Variants in CEP83 observed in about 807,000 individuals in gnomAD.
The protein encoded by CEP83 is centrosomal protein 83.
In CEP83, 70 loss-of-function variants were observed where a neutral mutation model predicts 101.9. That is an observed-to-expected ratio of 0.69 (90% CI 0.57 to 0.84). CEP83 has a LOEUF of 0.84. CEP83 is among the 40% of genes least tolerant of loss of function. CEP83 has a pLI of 0.00. For synonymous variants in CEP83, 264 were observed against 267.9 expected (o/e 0.99, Z 0.14); for missense variants, 715 against 787.2 (o/e 0.91, Z 1.10).
chr12:94,302,908 A>G (rs1310759201), downstream of CEP83, among the ~76,000 whole-genome samples: 2 of 152,192 alleles, frequency 1.3e-5, no homozygotes, highest in Non-Finnish European at 2.9e-5. Context: ...GAATGATAGC[A>G]TGATTTCTGG....
chr12:94,446,391 G>A (rs957917829), intron 1 of CEP83, among the ~76,000 whole-genome samples: 1 of 152,158 alleles, frequency 6.6e-6, no homozygotes, highest in Admixed American at 6.6e-5. Flanking sequence ...TTCACTTAAA[G>A]TCAGTTTCCA....
chr12:94,299,167 T>G, the CEP83 span, among the ~76,000 whole-genome samples: 1 of 152,246 alleles, frequency 6.6e-6, no homozygotes, highest in Non-Finnish European at 1.5e-5. Context: ...TCGGTTACTT[T>G]GCAGTCTCCA....
At chr12:94,295,810 A>G in the CEP83 span, among the ~76,000 whole-genome samples, 6 of 152,166 alleles carry the variant, frequency 3.9e-5, no homozygotes, top group African/African-American at 4.8e-5. Flanking sequence ...CCTCTGGGCA[A>G]TTCAACTCTG....
chr12:94,374,162 T>C (rs975608771), intron 8 of CEP83, among the ~76,000 whole-genome samples: 7 of 151,722 alleles, frequency 4.6e-5, no homozygotes, highest in East Asian at 1.9e-4. Flanking sequence ...GAAAGAGCAA[T>C]AGGGAAGAGT....
At chr12:94,349,436 C>T (rs904160835) in intron 11 of CEP83, among the ~76,000 whole-genome samples, 1 of 152,118 alleles carries the variant, frequency 6.6e-6, no homozygotes, top group African/African-American at 2.4e-5. Flanking sequence ...CCTAGTTACA[C>T]TGATTTAAAA....
In CEP83 at chr12:94,440,268, A is replaced by G. The variant is rs2138359020; in HGVS notation, c.-154-4941T>C. On this transcript the variant is annotated intron_variant, in intron 1 of 16. Coordinates refer to ENST00000397809, the MANE Select transcript of CEP83 (RefSeq NM_016122.3). ...AGTGTTGCAGTTTGCTGATGATATG[A>G]TCATATACCTAGAAAACCCTAAAAA... is the stretch of plus-strand genomic sequence containing the variant. Among the ~76,000 whole-genome samples, 7 of 152,284 alleles carry G rather than the reference A, an allele frequency of 4.6e-5. No individual in the cohort carries two copies. The South Asian group carries it at 1.5e-3, about 32-fold the overall frequency.
At chr12:94,340,428 G>T (rs1045224865) in intron 11 of CEP83, among the ~76,000 whole-genome samples, 71 of 150,202 alleles carry the variant, frequency 4.7e-4, no homozygotes, top group African/African-American at 1.6e-3. Flanking sequence ...ACCCAAACTT[G>T]TCTCTAGATT....
chr12:94,454,173 T>C (rs1414967923), intron 1 of CEP83, among the ~76,000 whole-genome samples: 2 of 151,918 alleles, frequency 1.3e-5, no homozygotes, highest in African/African-American at 4.8e-5. Context: ...CTAGAAGTAA[T>C]ACAAAAATGT....
In CEP83 at chr12:94,432,576, A is replaced by T. The variant is rs532031852; in HGVS notation, c.-102+2699T>A. ...TGGAGGTAGAGAATAAAATGATATC[A>T]AAGGCCAGGAAGTATGTGTGTGGGG... On this transcript the variant is annotated intron_variant, in intron 2 of 16. Coordinates refer to ENST00000397809, the MANE Select transcript of CEP83 (RefSeq NM_016122.3). 3.9e-5 allele frequency among the ~76,000 whole-genome samples: 6 copies of T among 152,318 alleles called. No individual in the cohort carries two copies. In the South Asian group the frequency reaches 1.2e-3, roughly 32 times the overall value.
At chr12:94,417,411 AGT>A (rs2064362280) in intron 2 of CEP83, among the ~76,000 whole-genome samples, 1 of 152,176 alleles carries the variant, frequency 6.6e-6, no homozygotes. Flanking sequence ...CTACCAGAAA[AGT>A]GTCAGAAAAA....
intron 6 of CEP83, among the ~76,000 whole-genome samples, chr12:94,385,339 G>A (rs959011608): frequency 6.6e-6 from 1 of 152,134 alleles, no homozygotes; most frequent in African/African-American, 2.4e-5. Flanking sequence ...TCCTGACCCT[G>A]TACTAGGCCT....
chr12:94,396,721 A>C (rs1489919388), intron 6 of CEP83, among the ~76,000 whole-genome samples: 1 of 152,184 alleles, frequency 6.6e-6, no homozygotes, highest in Admixed American at 6.5e-5. Context: ...AAATCTTCCT[A>C]AAGTATTCCC....
At chr12:94,381,926 T>G (rs2061873273) in intron 6 of CEP83, among the ~76,000 whole-genome samples, 1 of 152,094 alleles carries the variant, frequency 6.6e-6, no homozygotes, top group Non-Finnish European at 1.5e-5. Flanking sequence ...CTTCCCTTTT[T>G]GGGGAAGACA....
At chr12:94,439,537 T>C (rs926706833) in intron 1 of CEP83, among the ~76,000 whole-genome samples, 1 of 136,312 alleles carries the variant, frequency 7.3e-6, no homozygotes, top group African/African-American at 2.7e-5. Flanking sequence ...GAAACAGTAA[T>C]AAACAAAAAA....
intron 16 of CEP83, 126 bp from the exon 17 acceptor site, chr12:94,309,043 G>T: frequency 1.6e-6 from 1 of 634,276 alleles, no homozygotes; most frequent in Non-Finnish European, 2.8e-6. Context: ...CACTGTAGCA[G>T]TCTAAAAACA....
chr12:94,456,091 T>G (rs549383028), intron 1 of CEP83, among the ~76,000 whole-genome samples: 26 of 150,592 alleles, frequency 1.7e-4, no homozygotes, highest in Middle Eastern at 3.5e-3. Context: ...GACTTGACAG[T>G]CAGTGATCTC....
intron 11 of CEP83, among the ~76,000 whole-genome samples, chr12:94,340,242 T>C (rs2059621086): frequency 1.3e-5 from 2 of 152,208 alleles, no homozygotes; most frequent in African/African-American, 2.4e-5. Flanking sequence ...CAGCTTCCCT[T>C]TCCCTTGGTT....
chr12:94,434,633 T>A (rs761443504), intron 2 of CEP83, among the ~76,000 whole-genome samples: 1 of 152,250 alleles, frequency 6.6e-6, no homozygotes, highest in Non-Finnish European at 1.5e-5. Flanking sequence ...ATATCCCTTA[T>A]GTAAAATGCC....
In CEP83 at chr12:94,333,621, T is replaced by A. The variant is rs770666601; in HGVS notation, c.1438A>T (p.Ile480Phe). The A allele has an allele frequency of 4.3e-5, 69 of 1,612,554 alleles. No homozygotes were observed. The highest frequency in any genetic ancestry group is 1.6e-4 in the Middle Eastern group (1 of 6,082). ...DLKQQISSLQ[I>F]QVTSLAQSEN... Reference sequence around the variant, plus strand: ...GACTGTGCAAGTGAAGTCACTTGGATCTGCAAACTACTGATTTGCTTAAAA... The same window carrying A: ...GACTGTGCAAGTGAAGTCACTTGGAACTGCAAACTACTGATTTGCTTAAAA... Residue 480 changes from isoleucine to phenylalanine, a missense_variant, in exon 13 of 17, where the codon ATC becomes TTC. Ile to Phe is a conservative substitution (Grantham distance 21). Transcript: ENST00000397809.
Sources: allele counts gnomAD v4.1 joint callset (sites outside exome capture counted in the v4.1 genomes callset), GRCh38; gene constraint gnomAD v4.1.1; transcripts MANE v1.5; gene names NCBI Gene and HGNC (gene_info 2026-07-23, HGNC 2026-07-21).